Variants in REPS2 observed in about 807,000 individuals in gnomAD.
The protein encoded by REPS2 is RALBP1 associated Eps domain containing 2.
REPS2 carries 23 observed loss-of-function variants against 53.6 expected under a neutral mutation model. That is an observed-to-expected ratio of 0.43 (90% confidence interval 0.31 to 0.61). REPS2 has a LOEUF of 0.61. Ranked by LOEUF, REPS2 falls within the 20% of genes least tolerant of loss-of-function variation. The probability of loss-of-function intolerance (pLI) is 0.11; values close to 1 mark genes in which losing one functional copy is unlikely to be tolerated. For missense variants in REPS2, 446 were observed against 534.9 expected (o/e 0.83, Z 1.64); for synonymous variants, 238 against 218.6 (o/e 1.09, Z -0.78).
chrX:17,147,371 C>A, intron 17 of REPS2, 42 bp from the exon 18 acceptor site: 4 of 1,046,133 alleles, frequency 3.8e-6, no homozygotes, highest in Non-Finnish European at 5.3e-6. Flanking sequence ...CAAGAAATGA[C>A]CCCTTTGCTT....
Position 17,021,873 on chromosome X carries a change from C to T in REPS2, c.398-250C>T, listed in dbSNP as rs529245711. ...TTGAAGGATGAAATGGGAGATCAGT[C>T]CCAAATCTGAATTTATTCTGCGATT... On this transcript the variant is annotated intron_variant, in intron 2 of 17. Coordinates refer to ENST00000357277, the MANE Select transcript of REPS2 (RefSeq NM_004726.3). 4.2e-4 allele frequency among the ~76,000 whole-genome samples: 47 copies of T among 112,239 alleles called. No individual in the cohort carries two copies. The South Asian group carries it at 5.1e-3, about 12-fold the overall frequency.
At chrX:17,101,309 G>A (rs761723996) in intron 13 of REPS2, among the ~76,000 whole-genome samples, 23 of 110,137 alleles carry the variant, frequency 2.1e-4, no homozygotes, top group African/African-American at 4.0e-4. Flanking sequence ...TGATCTGCCC[G>A]CCTTGGCCTC....
chrX:17,012,961 G>A (rs1454685418), intron 2 of REPS2, among the ~76,000 whole-genome samples: 1 of 112,163 alleles, frequency 8.9e-6, no homozygotes, highest in African/African-American at 3.2e-5. Context: ...TTGTGGTCAC[G>A]ATTCTACTGC....
intron 1 of REPS2, among the ~76,000 whole-genome samples, chrX:16,995,592 A>G (rs2061224694): frequency 8.9e-6 from 1 of 112,066 alleles, no homozygotes; most frequent in Non-Finnish European, 1.9e-5. Context: ...ATTTCCCTCA[A>G]ACTTCTTAGA....
At chrX:17,086,130 T>C (rs1338848646) in intron 13 of REPS2, among the ~76,000 whole-genome samples, 1 of 111,943 alleles carries the variant, frequency 8.9e-6, no homozygotes, top group African/African-American at 3.2e-5. Flanking sequence ...CCTTGTAGAC[T>C]TTTTCACATT....
the REPS2 span, among the ~76,000 whole-genome samples, chrX:17,189,720 G>T: frequency 1.8e-5 from 2 of 111,233 alleles, no homozygotes; most frequent in Non-Finnish European, 3.8e-5. Flanking sequence ...GTGTCTGTGT[G>T]TGTGTATTCC....
chrX:16,951,006 A>G (rs758222757), intron 1 of REPS2, among the ~76,000 whole-genome samples: 23 of 112,222 alleles, frequency 2.0e-4, no homozygotes, highest in African/African-American at 6.5e-4. Flanking sequence ...TGATCGCACC[A>G]TTGCTCTCCA....
intron 2 of REPS2, among the ~76,000 whole-genome samples, chrX:17,018,611 T>C (rs1297283185): frequency 9.2e-6 from 1 of 108,200 alleles, no homozygotes; most frequent in Admixed American, 1.0e-4. Context: ...TCTTTTTTTT[T>C]TTTTTTAATG....
intron 12 of REPS2, chrX:17,074,382 A>G: frequency 2.9e-6 from 1 of 347,378 alleles, no homozygotes; most frequent in East Asian, 4.7e-5. Context: ...TGAATGCCCT[A>G]CGGCCCCTCA....
chrX:17,088,454 A>C (rs2062570716), intron 13 of REPS2, among the ~76,000 whole-genome samples: 1 of 111,112 alleles, frequency 9.0e-6, no homozygotes. Flanking sequence ...AACATGGATA[A>C]ATTTTAGAAT....
intron 13 of REPS2, among the ~76,000 whole-genome samples, chrX:17,085,426 G>A (rs1160758065): frequency 4.5e-5 from 5 of 111,897 alleles, no homozygotes; most frequent in Non-Finnish European, 9.4e-5. Context: ...AGCCAGCTGG[G>A]ATTTTGGTAT....
At chrX:17,098,357 A>G (rs919361016) in intron 13 of REPS2, among the ~76,000 whole-genome samples, 1 of 112,248 alleles carries the variant, frequency 8.9e-6, no homozygotes, top group Non-Finnish European at 1.9e-5. Flanking sequence ...CAAAATAAGG[A>G]TAGGAATTTT....
chrX:16,995,660 TTC>T (rs985571574), intron 1 of REPS2, among the ~76,000 whole-genome samples: 3 of 111,797 alleles, frequency 2.7e-5, no homozygotes, highest in Non-Finnish European at 3.8e-5. Flanking sequence ...TTGTGTTCAA[TTC>T]TCTCTCAGTT....
Position 17,145,415 on chromosome X carries a change from T to TA in REPS2, c.1915-1997dup, listed in dbSNP as rs1466271116. 2.7e-5 allele frequency among the ~76,000 whole-genome samples: 3 copies of TA among 111,869 alleles called. No individual in the cohort carries two copies. The East Asian group carries it at 8.4e-4, about 31-fold the overall frequency. On this transcript the variant is annotated intron_variant, in intron 17 of 17. Transcript: ENST00000357277. ...TCTTACTCAATGTTTTCTCCTTAGATATCCAATACACATCTCAGATAATTA... is the reference window on the plus strand; with the variant it reads ...TCTTACTCAATGTTTTCTCCTTAGATAATCCAATACACATCTCAGATAATTA...
chrX:17,115,685 C>A (rs1194555657), intron 14 of REPS2, among the ~76,000 whole-genome samples: 1 of 111,920 alleles, frequency 8.9e-6, no homozygotes, highest in Non-Finnish European at 1.9e-5. Flanking sequence ...CGGCCTTCCG[C>A]AGTGTTTGTG....
chrX:16,956,018 C>G (rs2060587958), intron 1 of REPS2, among the ~76,000 whole-genome samples: 1 of 111,447 alleles, frequency 9.0e-6, no homozygotes, highest in Non-Finnish European at 1.9e-5. Flanking sequence ...TAGGTATTTT[C>G]AATTTTAGTC....
At chrX:17,191,513 T>A in the REPS2 span, among the ~76,000 whole-genome samples, 1 of 112,383 alleles carries the variant, frequency 8.9e-6, no homozygotes, top group Non-Finnish European at 1.9e-5. Context: ...AAAAACACTT[T>A]GGAAAACTGT....
At chrX:17,194,484 G>A in the REPS2 span, among the ~76,000 whole-genome samples, 1 of 111,932 alleles carries the variant, frequency 8.9e-6, no homozygotes, top group Middle Eastern at 4.3e-3. Context: ...ATCTTAAAAA[G>A]TGACATATTG....
the REPS2 span, among the ~76,000 whole-genome samples, chrX:17,181,756 ACTCTTT>A: frequency 2.7e-5 from 3 of 111,722 alleles, no homozygotes; most frequent in African/African-American, 9.8e-5. Flanking sequence ...CTCCATAATC[ACTCTTT>A]CTCTTAAACT....
Sources: gnomAD v4.1 joint callset for allele counts (sites outside exome capture counted in the v4.1 genomes callset) on GRCh38, gnomAD v4.1.1 for gene constraint, MANE v1.5 for transcripts, NCBI Gene and HGNC (gene_info 2026-07-23, HGNC 2026-07-21) for gene names.